Variants in IGSF21 observed in about 807,000 individuals in gnomAD.
The protein encoded by IGSF21 is immunoglobulin superfamily member 21.
A neutral mutation model predicts 46.8 loss-of-function variants in IGSF21; 28 were observed. The ratio of observed to expected loss-of-function variants is 0.60; its 90% CI spans 0.44 to 0.82. IGSF21 has a LOEUF of 0.82. IGSF21 is among the 40% of genes least tolerant of loss of function. The pLI is 0.00. For synonymous variants in IGSF21, 284 were observed against 273.6 expected (o/e 1.04, Z -0.38); for missense variants, 624 against 665.5 (o/e 0.94, Z 0.69).
At chr1:18,313,180 G>T (rs554207999) in intron 3 of IGSF21, among the ~76,000 whole-genome samples, 2 of 152,220 alleles carry the variant, frequency 1.3e-5, no homozygotes, top group Non-Finnish European at 2.9e-5. Context: ...CGGGAGGAAG[G>T]TGAGGGAGGG....
intron 6 of IGSF21, among the ~76,000 whole-genome samples, chr1:18,368,439 A>T (rs1027796927): frequency 6.7e-6 from 1 of 150,118 alleles, no homozygotes; most frequent in African/African-American, 2.4e-5. Flanking sequence ...TGAACCCAGG[A>T]GGCAGAGGCT....
intron 1 of IGSF21, among the ~76,000 whole-genome samples, chr1:18,215,902 A>G (rs2084439812): frequency 6.6e-6 from 1 of 152,152 alleles, no homozygotes; most frequent in African/African-American, 2.4e-5. Context: ...TACAGTGTTC[A>G]TGTCTTGGTT....
intron 4 of IGSF21, among the ~76,000 whole-genome samples, chr1:18,340,662 T>A (rs581426): frequency 2.0e-5 from 3 of 152,122 alleles, no homozygotes; most frequent in African/African-American, 4.8e-5. Flanking sequence ...TCTCACAGTG[T>A]TAGTCCTAGA....
chr1:18,283,191 G>T (rs944832174), intron 2 of IGSF21, among the ~76,000 whole-genome samples: 2 of 152,198 alleles, frequency 1.3e-5, no homozygotes, highest in African/African-American at 4.8e-5. Context: ...CCATCGCACG[G>T]TAACCGGATG....
In IGSF21 at chr1:18,108,116, G is replaced by A. The variant is rs781464808; in HGVS notation, c.-13G>A. ...CCCCGCCGCCCCGCCACCGCCGCCA[G>A]CTCCCGGGCACCATGCGAACCGCCC... On this transcript the variant is annotated 5_prime_UTR_variant, in exon 1 of 10. Coordinates refer to ENST00000251296, the MANE Select transcript of IGSF21 (RefSeq NM_032880.5). The A allele has an allele frequency of 8.4e-4, 1,106 of 1,318,084 alleles. No homozygotes were observed. Among genetic ancestry groups the A allele is most frequent in the Non-Finnish European group, 9.1e-4 (916 of 1,004,052 alleles). The allele number at this position is 1,318,084 out of a possible 1,614,324, so 81.6% of individuals were successfully genotyped here. A position where few individuals can be genotyped will look rare whatever the true frequency, so the allele number is the denominator to read the frequency against.
chr1:18,373,186 C>A (rs904134799), intron 6 of IGSF21, among the ~76,000 whole-genome samples: 3 of 152,174 alleles, frequency 2.0e-5, no homozygotes, highest in African/African-American at 4.8e-5. Flanking sequence ...TGAAGCCCAA[C>A]AAGTTGAAAT....
At chr1:18,224,955 C>T (rs1428181638) in intron 1 of IGSF21, among the ~76,000 whole-genome samples, 1 of 151,924 alleles carries the variant, frequency 6.6e-6, no homozygotes, top group Non-Finnish European at 1.5e-5. Flanking sequence ...ATCCCAGCTA[C>T]TCAGGAGGCT....
intron 4 of IGSF21, among the ~76,000 whole-genome samples, chr1:18,357,530 G>T (rs893148979): frequency 2.0e-5 from 3 of 151,570 alleles, no homozygotes; most frequent in Admixed American, 2.0e-4. Context: ...GAGGGGGAGT[G>T]GGGTGGGAAT....
chr1:18,122,460 G>A (rs1203719342), intron 1 of IGSF21, among the ~76,000 whole-genome samples: 1 of 151,402 alleles, frequency 6.6e-6, no homozygotes, highest in African/African-American at 2.4e-5. Context: ...CAAAGTGCTG[G>A]GATTATAGGC....
chr1:18,335,136 T>C lies in IGSF21; in HGVS notation c.424+126T>C. On this transcript the variant is annotated intron_variant, in intron 4 of 9. Transcript: ENST00000251296. This position sits in a 1 kb window ranked among gnomAD's most constrained non-coding sequence, Gnocchi z 4.8. ...CCAGAAGTTCTGTTGTGCTGGTGTCTTCCCTTTCCTGCTCTTGTTGTGGAG... is the reference window on the plus strand; with the variant it reads ...CCAGAAGTTCTGTTGTGCTGGTGTCCTCCCTTTCCTGCTCTTGTTGTGGAG... 1 of 722,468 alleles carries C rather than the reference T, an allele frequency of 1.4e-6. No homozygotes were observed. The highest frequency in any genetic ancestry group is 1.7e-5 in the South Asian group (1 of 59,018). 44.8% of individuals were successfully genotyped at this position (722,468 alleles called of 1,614,324 possible).
At chr1:18,214,966 T>C (rs2084428980) in intron 1 of IGSF21, among the ~76,000 whole-genome samples, 2 of 152,206 alleles carry the variant, frequency 1.3e-5, no homozygotes, top group Non-Finnish European at 2.9e-5. Flanking sequence ...GGTCTTGATC[T>C]CTTGACCTCG....
At chr1:18,138,084 G>A (rs1278893273) in intron 1 of IGSF21, among the ~76,000 whole-genome samples, 2 of 152,084 alleles carry the variant, frequency 1.3e-5, no homozygotes, top group African/African-American at 4.8e-5. Flanking sequence ...TCCATGCTGG[G>A]GACACATGCA....
At chr1:18,248,789 G>A (rs190223317) in intron 2 of IGSF21, among the ~76,000 whole-genome samples, 28 of 152,118 alleles carry the variant, frequency 1.8e-4, no homozygotes, top group Admixed American at 4.6e-4. Flanking sequence ...TAAATATAGC[G>A]TTGAACGAGA....
rs1377797511 is a variant in IGSF21, at chr1:18,290,959, G to A, written c.184-907G>A. Among the ~76,000 whole-genome samples the A allele has an allele frequency of 6.6e-6, 1 of 152,198 alleles. No individual in the cohort carries two copies. Among genetic ancestry groups the A allele is most frequent in the Non-Finnish European group, 1.5e-5 (1 of 68,048 alleles). The stretch of plus-strand genomic sequence containing the variant: ...GCAGAGCCCAGCTGAGCTGCGAGAG[G>A]CTGCAAGCTCCCAGTCTATAATAGA... On this transcript the variant is annotated intron_variant, in intron 2 of 9. Coordinates refer to ENST00000251296, the MANE Select transcript of IGSF21 (RefSeq NM_032880.5). This position sits in a 1 kb window ranked among gnomAD's most constrained non-coding sequence, Gnocchi z 4.2.
chr1:18,193,918 G>C (rs142579565), intron 1 of IGSF21, among the ~76,000 whole-genome samples: 1 of 152,156 alleles, frequency 6.6e-6, no homozygotes, highest in South Asian at 2.1e-4. Flanking sequence ...GTGTGTGTCT[G>C]TGTGTGTGCT....
At chr1:18,180,331 T>A (rs1306381895) in intron 1 of IGSF21, among the ~76,000 whole-genome samples, 1 of 152,062 alleles carries the variant, frequency 6.6e-6, no homozygotes, top group Non-Finnish European at 1.5e-5. Context: ...GAATGAAACA[T>A]GTCTGGCACA....
chr1:18,116,887 G>A (rs1231308386), intron 1 of IGSF21, among the ~76,000 whole-genome samples: 2 of 152,238 alleles, frequency 1.3e-5, no homozygotes, highest in Non-Finnish European at 2.9e-5. Context: ...GGCTGGGGAA[G>A]AGAGGGGAAT....
chr1:18,203,140 A>T (rs146072971), intron 1 of IGSF21, among the ~76,000 whole-genome samples: 1 of 152,166 alleles, frequency 6.6e-6, no homozygotes, highest in East Asian at 1.9e-4. Flanking sequence ...TTTTCTTATC[A>T]ATCTAGTTTT....
chr1:18,264,063 C>G (rs1557613865), intron 2 of IGSF21, among the ~76,000 whole-genome samples: 2 of 152,106 alleles, frequency 1.3e-5, no homozygotes, highest in Admixed American at 6.5e-5. Context: ...AAAATAAAAC[C>G]CCTTAACTGC....
Sources: allele counts gnomAD v4.1 joint callset (sites outside exome capture counted in the v4.1 genomes callset), GRCh38; gene constraint gnomAD v4.1.1; non-coding constraint Gnocchi (gnomAD v3.1); transcripts MANE v1.5; gene names NCBI Gene and HGNC (gene_info 2026-07-23, HGNC 2026-07-21).